The following TBC1D5 variants were observed in gnomAD, a reference collection of about 807,000 sequenced individuals.
The protein encoded by TBC1D5 is TBC1 domain family, member 5.
Under a neutral mutation model 100.3 loss-of-function variants are expected in TBC1D5, and 75 were observed. The ratio of observed to expected loss-of-function variants is 0.75; its 90% CI spans 0.62 to 0.91. The LOEUF (loss-of-function observed/expected upper bound fraction) is 0.91. TBC1D5 is among the 40% of genes least tolerant of loss of function. The pLI is 0.00. For missense variants in TBC1D5, 910 were observed against 942.4 expected (o/e 0.97, Z 0.45); for synonymous variants, 323 against 325.6 (o/e 0.99, Z 0.09).
At chr3:17,664,437 C>T (rs1016025496) in intron 1 of TBC1D5, among the ~76,000 whole-genome samples, 10 of 152,036 alleles carry the variant, frequency 6.6e-5, no homozygotes, top group Non-Finnish European at 1.0e-4. Context: ...AAACAGATCT[C>T]GATACCAAAG....
intron 2 of TBC1D5, among the ~76,000 whole-genome samples, chr3:17,548,485 A>T (rs1484582687): frequency 6.6e-6 from 1 of 152,170 alleles, no homozygotes; most frequent in East Asian, 1.9e-4. Flanking sequence ...GCGGGGGAAA[A>T]AAAAACCTTT....
chr3:17,356,763 C>T (rs1221029237), intron 13 of TBC1D5, among the ~76,000 whole-genome samples: 6 of 152,122 alleles, frequency 3.9e-5, no homozygotes, highest in Admixed American at 6.6e-5. Flanking sequence ...TGGCTGGGAT[C>T]AGTCAGGTAG....
intron 13 of TBC1D5, among the ~76,000 whole-genome samples, chr3:17,365,581 A>G (rs1459651493): frequency 6.6e-6 from 1 of 152,142 alleles, no homozygotes; most frequent in Non-Finnish European, 1.5e-5. Flanking sequence ...CTGGGGGCAC[A>G]TCCTGTGTGA....
At chr3:17,229,509 T>C (rs563712217) in intron 17 of TBC1D5, among the ~76,000 whole-genome samples, 1 of 152,268 alleles carries the variant, frequency 6.6e-6, no homozygotes, top group South Asian at 2.1e-4. Context: ...ATGTGTGGAA[T>C]GAGCTCCTTC....
At chr3:17,428,462 A>G in exon 4 of TBC1D5, 3 of 1,455,796 alleles carry the variant, frequency 2.1e-6, no homozygotes, top group South Asian at 1.5e-5. Flanking sequence ...ATAGGAATTA[A>G]AAGTCCCTTC....
intron 1 of TBC1D5, among the ~76,000 whole-genome samples, chr3:17,645,101 G>A (rs2064894326): frequency 6.6e-6 from 1 of 152,082 alleles, no homozygotes; most frequent in African/African-American, 2.4e-5. Flanking sequence ...CATATTCTCT[G>A]AAGATAAATA....
At chr3:17,192,113 T>A (rs954278184) in intron 18 of TBC1D5, among the ~76,000 whole-genome samples, 16 of 152,082 alleles carry the variant, frequency 1.1e-4, no homozygotes, top group Admixed American at 3.9e-4. Flanking sequence ...ATGGTGGAAT[T>A]ATGGGTGATT....
At position 17,233,764 on chromosome 3, in the gene TBC1D5, GA is replaced by G; in HGVS notation, c.1588+4398del. The G allele has an allele frequency of 6.6e-7, 1 of 1,517,502 alleles. No individual in the cohort carries two copies. The highest frequency in any genetic ancestry group is 8.9e-7 in the Non-Finnish European group (1 of 1,122,450). The allele number at this position is 1,517,502 out of a possible 1,614,324, so 94.0% of individuals were successfully genotyped here. On this transcript the variant is annotated intron_variant, in intron 17 of 21. Coordinates refer to ENST00000253692, the Ensembl canonical transcript of TBC1D5. ...TAACTACATCGCCTGGATTTCATAAGAAAAAATAATTAGATTTCATAAAAAG... is the reference window on the plus strand; with the variant it reads ...TAACTACATCGCCTGGATTTCATAAGAAAAATAATTAGATTTCATAAAAAG...
At chr3:17,284,231 C>T (rs1457930459) in intron 15 of TBC1D5, among the ~76,000 whole-genome samples, 1 of 152,100 alleles carries the variant, frequency 6.6e-6, no homozygotes, top group Admixed American at 6.5e-5. Context: ...GATTCTCATG[C>T]CTCAGCCTCC....
At chr3:17,481,657 A>G (rs575879011) in intron 3 of TBC1D5, among the ~76,000 whole-genome samples, 16 of 152,380 alleles carry the variant, frequency 1.1e-4, no homozygotes, top group East Asian at 7.7e-4. Flanking sequence ...CTTCGTAAGA[A>G]TAACTATGTA....
rs193257697 is a variant in TBC1D5, at chr3:17,587,944, C to T, written c.-36+35905G>A. On this transcript the variant is annotated intron_variant, in intron 2 of 21. Transcript: ENST00000253692. The stretch of plus-strand genomic sequence containing the variant: ...AATAGCTTTCAACTATTCCAACATA[C>T]GTGTATTTGATGAAATCTGTATTTA... Among the ~76,000 whole-genome samples, 465 of 151,968 alleles carry T rather than the reference C, an allele frequency of 3.1e-3. 1 individual carries two copies. The highest frequency in any genetic ancestry group is 4.2e-3 in the Non-Finnish European group (284 of 67,848).
upstream of TBC1D5, among the ~76,000 whole-genome samples, chr3:17,742,320 G>A (rs1389281416): frequency 6.6e-6 from 1 of 152,154 alleles, no homozygotes; most frequent in African/African-American, 2.4e-5. Context: ...AGGCGGCGGC[G>A]GCTGCGGCTG....
intron 1 of TBC1D5, among the ~76,000 whole-genome samples, chr3:17,711,401 GA>G: frequency 6.6e-6 from 1 of 152,180 alleles, no homozygotes; most frequent in East Asian, 1.9e-4. Context: ...ATAAACCTAA[GA>G]AGTAGAACAC....
At chr3:17,617,979 G>A (rs1240429569) in intron 2 of TBC1D5, among the ~76,000 whole-genome samples, 4 of 152,230 alleles carry the variant, frequency 2.6e-5, no homozygotes, top group Admixed American at 6.5e-5. Context: ...GAGAACAGGC[G>A]CTCCAGTTTT....
chr3:17,700,838 T>C (rs2073063279), intron 1 of TBC1D5, among the ~76,000 whole-genome samples: 1 of 152,128 alleles, frequency 6.6e-6, no homozygotes, highest in African/African-American at 2.4e-5. Flanking sequence ...CAACAGGTGC[T>C]GGAGAGGATG....
At chr3:17,689,959 T>A (rs2070887114) in intron 1 of TBC1D5, among the ~76,000 whole-genome samples, 1 of 152,018 alleles carries the variant, frequency 6.6e-6, no homozygotes, top group South Asian at 2.1e-4. Flanking sequence ...AGGACCAGTA[T>A]GAGCGAAAAA....
chr3:17,590,058 C>A (rs1163720002), intron 2 of TBC1D5, among the ~76,000 whole-genome samples: 2 of 152,260 alleles, frequency 1.3e-5, no homozygotes, highest in African/African-American at 2.4e-5. Context: ...AGCACCCACT[C>A]CCCCCTACAA....
chr3:17,374,390 A>T (rs2092612473), intron 12 of TBC1D5, 81 bp downstream of exon 12: 1 of 1,345,914 alleles, frequency 7.4e-7, no homozygotes, highest in African/African-American at 1.5e-5. Context: ...GCTATATACT[A>T]TTCTTTGGTT....
At chr3:17,375,648 T>C (rs906201737) in intron 10 of TBC1D5, among the ~76,000 whole-genome samples, 3 of 151,658 alleles carry the variant, frequency 2.0e-5, no homozygotes, top group Admixed American at 1.3e-4. Context: ...AAGCAAGTTA[T>C]ATATGGTTAT....
Sources: gnomAD v4.1 joint callset for allele counts (sites outside exome capture counted in the v4.1 genomes callset) on GRCh38, gnomAD v4.1.1 for gene constraint, MANE v1.5 for transcripts, NCBI Gene and HGNC (gene_info 2026-07-23, HGNC 2026-07-21) for gene names.